The following COX10 variants were observed in gnomAD, a reference collection of about 807,000 sequenced individuals.
COX10 encodes protoheme IX farnesyltransferase, mitochondrial.
In COX10, 27 loss-of-function variants were observed where a neutral mutation model predicts 37.3. The observed-to-expected ratio is 0.72, with a 90% CI of 0.53 to 1.00. COX10 has a LOEUF of 1.00. Among genes scored for constraint, COX10 ranks in the 50% least tolerant of loss-of-function variants. COX10 has a pLI of 0.00. For missense variants in COX10, 475 were observed against 563.2 expected (o/e 0.84, Z 1.59); for synonymous variants, 222 against 229.1 (o/e 0.97, Z 0.28).
rs989658236 is a variant in COX10, at chr17:14,152,954, T to G, written c.625-6923T>G. On this transcript the variant is annotated intron_variant, in intron 4 of 6. Transcript: ENST00000261643. ...GAGCCAACAGATTCACAATTGTGTGTGCTCCACTGTAGTACCTGACCTTAT... is the reference window on the plus strand; with the variant it reads ...GAGCCAACAGATTCACAATTGTGTGGGCTCCACTGTAGTACCTGACCTTAT... Among the ~76,000 whole-genome samples the G allele has an allele frequency of 2.6e-5, 4 of 152,346 alleles. No homozygotes were observed. In the East Asian group the frequency reaches 7.7e-4, roughly 29 times the overall value.
At chr17:14,162,090 G>A (rs966621538) in intron 5 of COX10, among the ~76,000 whole-genome samples, 1 of 152,168 alleles carries the variant, frequency 6.6e-6, no homozygotes, top group Admixed American at 6.5e-5. Flanking sequence ...AGTGTATGAG[G>A]CTACCTAATG....
chr17:14,164,702 G>A (rs557966805), intron 5 of COX10, among the ~76,000 whole-genome samples: 7 of 152,270 alleles, frequency 4.6e-5, no homozygotes, highest in Admixed American at 2.0e-4. Context: ...ATAGATCCCC[G>A]TGAGAACCGT....
intron 5 of COX10, among the ~76,000 whole-genome samples, chr17:14,175,201 CTT>C (rs72182244): frequency 0.27 from 37,544 of 139,978 alleles, 5,374 homozygotes; most frequent in East Asian, 0.41. Context: ...CTATGTTTAC[CTT>C]TTTTTTTTTT....
intron 5 of COX10, among the ~76,000 whole-genome samples, chr17:14,170,661 T>A (rs879887413): frequency 6.6e-6 from 1 of 151,950 alleles, no homozygotes; most frequent in South Asian, 2.1e-4. Flanking sequence ...CAGAAAAAAA[T>A]TTTAAAATTA....
chr17:14,139,503 T>C (rs1904478201), intron 4 of COX10, among the ~76,000 whole-genome samples: 1 of 152,220 alleles, frequency 6.6e-6, no homozygotes, highest in African/African-American at 2.4e-5. Context: ...AAAGGTTTTA[T>C]AATTTTATTA....
chr17:14,076,909 T>C lies in COX10; in HGVS notation c.352T>C (p.Leu118=). 1 of 1,614,060 alleles carries C rather than the reference T, an allele frequency of 6.2e-7. No individual in the cohort carries two copies. The highest frequency in any genetic ancestry group is 1.1e-5 in the South Asian group (1 of 91,082). ...SLSRKPNEKE[L]IELEPDSVIE... The stretch of plus-strand genomic sequence containing the variant: ...GTCCAGAAAGCCAAATGAAAAGGAA[T>C]TGATAGAACTAGAGCCAGACTCAGT... The change falls in exon 3 of 7, where the codon TTG becomes CTG. Residue 118 remains leucine (L), a synonymous_variant. Transcript: ENST00000261643.
intron 4 of COX10, among the ~76,000 whole-genome samples, chr17:14,154,752 A>G (rs1346266974): frequency 1.3e-5 from 2 of 152,168 alleles, no homozygotes; most frequent in Non-Finnish European, 2.9e-5. Flanking sequence ...AGTAACTTCA[A>G]TTGTTGGAGA....
intron 3 of COX10, among the ~76,000 whole-genome samples, chr17:14,080,135 A>G (rs1032191558): frequency 5.3e-5 from 8 of 152,056 alleles, no homozygotes; most frequent in East Asian, 1.9e-4. Flanking sequence ...TAAACATTTA[A>G]ATCTTTGATG....
chr17:14,149,915 G>A (rs1426639804), intron 4 of COX10, among the ~76,000 whole-genome samples: 2 of 152,124 alleles, frequency 1.3e-5, no homozygotes, highest in East Asian at 3.9e-4. Flanking sequence ...AGCAATAAAT[G>A]TGAGGGAGGA....
chr17:14,135,071 A>G (rs1039415672), intron 4 of COX10, among the ~76,000 whole-genome samples: 6 of 151,766 alleles, frequency 4.0e-5, no homozygotes, highest in African/African-American at 1.4e-4. Context: ...AGCCTAATAA[A>G]TATATGATGA....
intron 6 of COX10, among the ~76,000 whole-genome samples, chr17:14,203,030 C>G (rs1906592590): frequency 6.6e-6 from 1 of 152,140 alleles, no homozygotes; most frequent in South Asian, 2.1e-4. Flanking sequence ...TAGGCATCAG[C>G]ACTGTTACTT....
At chr17:14,143,860 AG>A (rs1478932988) in intron 4 of COX10, among the ~76,000 whole-genome samples, 1 of 151,914 alleles carries the variant, frequency 6.6e-6, no homozygotes, top group Non-Finnish European at 1.5e-5. Flanking sequence ...TGTTGTATAG[AG>A]TCTTGCTTTT....
At chr17:14,151,293 G>T (rs1040060145) in intron 4 of COX10, among the ~76,000 whole-genome samples, 5 of 152,056 alleles carry the variant, frequency 3.3e-5, no homozygotes, top group African/African-American at 1.2e-4. Flanking sequence ...AAGAATTGCT[G>T]GGCCCTCACT....
chr17:14,207,133 C>G lies in COX10; in HGVS notation c.1252C>G (p.His418Asp), dbSNP rs781074870. 1 of 1,612,988 alleles carries G rather than the reference C, an allele frequency of 6.2e-7. No individual in the cohort carries two copies. The highest frequency in any genetic ancestry group is 8.5e-7 in the Non-Finnish European group (1 of 1,179,880). Residue 418 changes from histidine (H) to aspartate (D), a missense_variant, in exon 7 of 7, where the codon CAC becomes GAC. Around this residue, in one of 5 missense-constraint regions of COX10, gnomAD observed 160 missense variants for 180.6 expected, o/e 0.89. Transcript: ENST00000261643. ...SRRLFFCSLW[H>D]LPLLLLLMLT... ...GAGACTGTTCTTCTGCAGCCTGTGG[C>G]ACCTGCCGCTGCTGCTGCTGCTCAT...
At chr17:14,078,121 G>GAGAT (rs1323783136) in intron 3 of COX10, among the ~76,000 whole-genome samples, 1 of 152,070 alleles carries the variant, frequency 6.6e-6, no homozygotes, top group Non-Finnish European at 1.5e-5. Context: ...CTAAAACAGT[G>GAGAT]AGATGAATTC....
intron 2 of COX10, among the ~76,000 whole-genome samples, chr17:14,075,656 C>T (rs1479088140): frequency 1.3e-5 from 2 of 152,150 alleles, no homozygotes; most frequent in African/African-American, 4.8e-5. Flanking sequence ...TAGAGACTGA[C>T]TCTACAGCCC....
intron 4 of COX10, among the ~76,000 whole-genome samples, chr17:14,127,479 A>G (rs1270472823): frequency 6.6e-6 from 1 of 152,170 alleles, no homozygotes; most frequent in Non-Finnish European, 1.5e-5. Context: ...CTTAATGATT[A>G]TAAATAAAAA....
chr17:14,151,574 C>T (rs1193163528), intron 4 of COX10, among the ~76,000 whole-genome samples: 5 of 145,446 alleles, frequency 3.4e-5, no homozygotes, highest in East Asian at 2.0e-4. Flanking sequence ...CACACACACA[C>T]GAGAACTGCC....
chr17:14,087,297 G>A (rs145211609), intron 3 of COX10, among the ~76,000 whole-genome samples: 58 of 152,036 alleles, frequency 3.8e-4, no homozygotes, highest in African/African-American at 1.3e-3. Flanking sequence ...CTTTTGTACC[G>A]TAGAGTCTTT....
Sources: allele counts gnomAD v4.1 joint callset (sites outside exome capture counted in the v4.1 genomes callset), GRCh38; gene constraint gnomAD v4.1.1; regional missense constraint gnomAD v4.1.1; transcripts MANE v1.5; gene names NCBI Gene and HGNC (gene_info 2026-07-23, HGNC 2026-07-21).